Variants in CALN1 observed in about 807,000 individuals in gnomAD.
CALN1 encodes calneuron 1.
CALN1 carries 17 observed loss-of-function variants against 30.6 expected under a neutral mutation model. The observed-to-expected ratio is 0.56, with a 90% CI of 0.38 to 0.83. The LOEUF is 0.83. Ranked by LOEUF, CALN1 falls within the 40% of genes least tolerant of loss-of-function variation. CALN1 has a pLI of 0.00. For missense variants in CALN1, 291 were observed against 354.9 expected, an observed-to-expected ratio of 0.82 and a Z score of 1.45; for synonymous variants, 156 against 131.4, an observed-to-expected ratio of 1.19 and a Z score of -1.28.
chr7:72,096,574 A>G (rs1806249933), intron 4 of CALN1, among the ~76,000 whole-genome samples: 1 of 151,974 alleles, frequency 6.6e-6, no homozygotes, highest in South Asian at 2.1e-4. Flanking sequence ...TGGGAGACCG[A>G]GGAGGGCCCC....
At chr7:72,387,984 A>G (rs1310626082) in intron 2 of CALN1, among the ~76,000 whole-genome samples, 1 of 152,210 alleles carries the variant, frequency 6.6e-6, no homozygotes, top group Non-Finnish European at 1.5e-5. Context: ...ACTGTAATTA[A>G]CAATAACATG....
At chr7:72,371,039 T>C (rs1344189958) in intron 2 of CALN1, among the ~76,000 whole-genome samples, 1 of 128,928 alleles carries the variant, frequency 7.8e-6, no homozygotes, top group African/African-American at 3.1e-5. Flanking sequence ...CAGAGCAAAA[T>C]TAAGTCTCAA....
chr7:72,296,001 T>C (rs1414669782), intron 2 of CALN1, among the ~76,000 whole-genome samples: 1 of 151,922 alleles, frequency 6.6e-6, no homozygotes, highest in Non-Finnish European at 1.5e-5. Flanking sequence ...GCTGTGGGTT[T>C]GTCATAGATA....
At chr7:72,148,698 T>TCG (rs1786973740) in intron 3 of CALN1, among the ~76,000 whole-genome samples, 1 of 151,446 alleles carries the variant, frequency 6.6e-6, no homozygotes, top group African/African-American at 2.4e-5. Flanking sequence ...TGAGGTCAGG[T>TCG]GTTCGAGACT....
chr7:72,157,379 G>A (rs1787773579), intron 3 of CALN1, among the ~76,000 whole-genome samples: 1 of 152,126 alleles, frequency 6.6e-6, no homozygotes, highest in Non-Finnish European at 1.5e-5. Context: ...AAGAGGCCAA[G>A]ACAGGAGGAG....
intron 2 of CALN1, among the ~76,000 whole-genome samples, chr7:72,398,497 C>G (rs746055637): frequency 2.6e-5 from 4 of 152,216 alleles, no homozygotes; most frequent in Admixed American, 2.0e-4. Flanking sequence ...CTTCTCCCCA[C>G]ATGAATAAAA....
At chr7:71,963,609 A>C (rs1001261112) in intron 5 of CALN1, among the ~76,000 whole-genome samples, 18 of 152,076 alleles carry the variant, frequency 1.2e-4, no homozygotes, top group Non-Finnish European at 2.1e-4. Context: ...CCAGCCTAGG[A>C]AACTTTTTCT....
intron 6 of CALN1, among the ~76,000 whole-genome samples, chr7:71,789,953 T>A (rs1465393939): frequency 6.7e-6 from 1 of 148,432 alleles, no homozygotes. Context: ...AAAAAAAAAA[T>A]TTAGCTGGGT....
Position 72,332,827 on chromosome 7 carries a change from C to T in CALN1, c.120-54017G>A, listed in dbSNP as rs147403806. ...AATTCATCCCATCTTCTCCATCCTC[C>T]CCACCATGGCCTCATCAGCCTTGTC... On this transcript the variant is annotated intron_variant, in intron 2 of 6. Coordinates refer to ENST00000395275, the MANE Select transcript of CALN1 (RefSeq NM_031468.4). 4.9e-4 allele frequency among the ~76,000 whole-genome samples: 75 copies of T among 152,298 alleles called. 1 individual carries two copies. The East Asian group carries it at 0.013, about 26-fold the overall frequency.
At chr7:71,910,052 CAGATCTCA>C (rs58098081) in intron 5 of CALN1, among the ~76,000 whole-genome samples, 22,937 of 152,100 alleles carry the variant, frequency 0.15, 1,950 homozygotes, top group Non-Finnish European at 0.19. Context: ...ATAAAACCAT[CAGATCTCA>C]AGAGACTTAT....
rs546220889 is a variant in CALN1 at position 72,107,065 on chromosome 7, C to T, written c.245-771G>A. Among the ~76,000 whole-genome samples the T allele has an allele frequency of 2.6e-5, 4 of 152,044 alleles. No homozygotes were observed. In the South Asian group the frequency reaches 8.3e-4, roughly 32 times the overall value. On this transcript the variant is annotated intron_variant, in intron 3 of 6. Coordinates refer to ENST00000395275, the MANE Select transcript of CALN1 (RefSeq NM_031468.4). ...AAGAAGGAGGAAGGGAGGGAGGAGG[C>T]AGCTCGACCTGAGCATCCTCCAACT...
chr7:72,180,047 C>A (rs1317969490), intron 3 of CALN1, among the ~76,000 whole-genome samples: 2 of 152,118 alleles, frequency 1.3e-5, no homozygotes, highest in Non-Finnish European at 2.9e-5. Context: ...CTCTAATGTG[C>A]CCCACCCTCC....
chr7:71,870,392 A>T lies in CALN1; in HGVS notation c.502-59900T>A, dbSNP rs541706578. ...AGAGAAACTCCATCTAAAAAAAAAA[A>T]AAATGAGTGCTCTAAAGCAAATATA... On this transcript the variant is annotated intron_variant, in intron 5 of 6. Coordinates refer to ENST00000395275, the MANE Select transcript of CALN1 (RefSeq NM_031468.4). 9.1e-3 allele frequency among the ~76,000 whole-genome samples: 1,391 copies of T among 152,242 alleles called. 27 individuals carry two copies. The highest frequency in any genetic ancestry group is 0.032 in the African/African-American group (1,311 of 41,530).
At chr7:72,252,674 T>A (rs1421460030) in intron 3 of CALN1, among the ~76,000 whole-genome samples, 1 of 150,824 alleles carries the variant, frequency 6.6e-6, no homozygotes, top group Non-Finnish European at 1.5e-5. Context: ...ATCCCACTGC[T>A]CCTTCCAACC....
At chr7:72,176,778 A>C (rs1789389459) in intron 3 of CALN1, among the ~76,000 whole-genome samples, 1 of 152,196 alleles carries the variant, frequency 6.6e-6, no homozygotes, top group South Asian at 2.1e-4. Flanking sequence ...TTTCCCAGAC[A>C]ATTTTCTCTA....
intron 1 of CALN1, among the ~76,000 whole-genome samples, chr7:72,444,404 A>C (rs1485113385): frequency 6.6e-6 from 1 of 152,174 alleles, no homozygotes; most frequent in East Asian, 1.9e-4. Context: ...CTTTGATCTA[A>C]CTGGCTCAGC....
At chr7:72,283,054 C>CAAA (rs34378708) in intron 2 of CALN1, among the ~76,000 whole-genome samples, 2 of 122,336 alleles carry the variant, frequency 1.6e-5, no homozygotes, top group Admixed American at 8.1e-5. Context: ...GACTCCATCT[C>CAAA]AAAAAAAAAA....
chr7:71,920,622 A>G (rs1269082161), intron 5 of CALN1, among the ~76,000 whole-genome samples: 1 of 152,192 alleles, frequency 6.6e-6, no homozygotes, highest in Non-Finnish European at 1.5e-5. Flanking sequence ...GGCGTGAGCC[A>G]CAGCACCCGG....
intron 4 of CALN1, among the ~76,000 whole-genome samples, chr7:72,046,073 G>A (rs139815708): frequency 0.023 from 3,474 of 151,820 alleles, 49 homozygotes; most frequent in Non-Finnish European, 0.034. Context: ...AGCACTTTGG[G>A]AGGCTGAGGC....
Sources: gnomAD v4.1 joint callset for allele counts (sites outside exome capture counted in the v4.1 genomes callset) on GRCh38, gnomAD v4.1.1 for gene constraint, MANE v1.5 for transcripts, NCBI Gene and HGNC (gene_info 2026-07-23, HGNC 2026-07-21) for gene names.